The following ZNF385D variants were observed in gnomAD, a reference collection of about 807,000 sequenced individuals.
ZNF385D encodes zinc finger protein 385D, also known as zinc finger protein 659.
A neutral mutation model predicts 35.8 loss-of-function variants in ZNF385D; 15 were observed. The ratio of observed to expected loss-of-function variants is 0.42; its 90% CI spans 0.28 to 0.64. The LOEUF (loss-of-function observed/expected upper bound fraction) is 0.64. ZNF385D is among the 30% of genes least tolerant of loss of function. ZNF385D has a pLI of 0.23. For missense variants in ZNF385D, 474 were observed against 494.6 expected (o/e 0.96, Z 0.39); for synonymous variants, 212 against 186.8 (o/e 1.13, Z -1.10).
chr3:22,127,682 T>C (rs968484152), intron 3 of ZNF385D, among the ~76,000 whole-genome samples: 3 of 152,060 alleles, frequency 2.0e-5, no homozygotes, highest in Non-Finnish European at 4.4e-5. Flanking sequence ...GGCTCACAAA[T>C]ATTATCTTAT....
chr3:22,303,869 C>T lies in ZNF385D; in HGVS notation c.106+68581G>A, dbSNP rs150669215. Reference sequence around the variant, plus strand: ...CTTGGCTCACTGCAAACTCCATCTCCGAGGTTCAAGCGATTCTTCTGCTTC... The same window carrying T: ...CTTGGCTCACTGCAAACTCCATCTCTGAGGTTCAAGCGATTCTTCTGCTTC... On this transcript the variant is annotated intron_variant, in intron 2 of 5. Coordinates refer to the ZNF385D transcript ENST00000494108. 2.4e-3 allele frequency among the ~76,000 whole-genome samples: 360 copies of T among 152,194 alleles called. 4 individuals carry two copies. The highest frequency in any genetic ancestry group is 8.4e-3 in the African/African-American group (348 of 41,524).
chr3:21,858,435 G>A (rs147031186), intron 3 of ZNF385D, among the ~76,000 whole-genome samples: 1 of 151,346 alleles, frequency 6.6e-6, no homozygotes, highest in African/African-American at 2.5e-5. Context: ...AATCCCCAGT[G>A]TGATAGTATT....
intron 3 of ZNF385D, among the ~76,000 whole-genome samples, chr3:22,015,597 T>A (rs910838991): frequency 6.6e-6 from 1 of 152,134 alleles, no homozygotes; most frequent in Non-Finnish European, 1.5e-5. Flanking sequence ...TTTGGAAATT[T>A]CAGCTGTGAA....
At chr3:22,113,255 C>T (rs191700568) in intron 3 of ZNF385D, among the ~76,000 whole-genome samples, 6 of 152,020 alleles carry the variant, frequency 3.9e-5, no homozygotes, top group African/African-American at 1.4e-4. Flanking sequence ...ATTTCTCATT[C>T]TAAATCTTTC....
At chr3:21,736,971 G>T (rs529523875) in intron 1 of ZNF385D, among the ~76,000 whole-genome samples, 2 of 152,008 alleles carry the variant, frequency 1.3e-5, no homozygotes, top group Admixed American at 6.6e-5. Context: ...GCGGAGTCTC[G>T]CTCCGTCGCC....
At chr3:22,211,675 G>T (rs1243858397) in intron 2 of ZNF385D, among the ~76,000 whole-genome samples, 1 of 151,918 alleles carries the variant, frequency 6.6e-6, no homozygotes, top group Non-Finnish European at 1.5e-5. Flanking sequence ...GAAAGACCAA[G>T]GGAGAGGGTA....
At chr3:22,221,862 G>T (rs888016993) in intron 2 of ZNF385D, among the ~76,000 whole-genome samples, 4 of 152,112 alleles carry the variant, frequency 2.6e-5, no homozygotes, top group Non-Finnish European at 5.9e-5. Context: ...ATCCATAAAA[G>T]AAATATTTCT....
At chr3:22,211,738 G>A (rs939533431) in intron 2 of ZNF385D, among the ~76,000 whole-genome samples, 1 of 152,064 alleles carries the variant, frequency 6.6e-6, no homozygotes, top group South Asian at 2.1e-4. Context: ...GAGAGGGCAA[G>A]AACAGTCCTG....
intron 4 of ZNF385D, among the ~76,000 whole-genome samples, chr3:21,479,143 A>C (rs1386911503): frequency 8.1e-6 from 1 of 122,722 alleles, no homozygotes; most frequent in African/African-American, 3.0e-5. Flanking sequence ...AAAAGTCTAG[A>C]AGTATTGTTT....
intron 4 of ZNF385D, among the ~76,000 whole-genome samples, chr3:21,474,738 C>G (rs926071487): frequency 3.3e-5 from 5 of 152,122 alleles, no homozygotes; most frequent in African/African-American, 7.2e-5. Context: ...AATCCTCTCA[C>G]AAGTCTTGCT....
intron 3 of ZNF385D, among the ~76,000 whole-genome samples, chr3:21,551,391 T>G (rs2062563609): frequency 6.6e-6 from 1 of 152,214 alleles, no homozygotes; most frequent in African/African-American, 2.4e-5. Context: ...GCAGGTGAAA[T>G]TAGGAGTATG....
At chr3:21,840,280 A>G (rs1283762875) in intron 3 of ZNF385D, among the ~76,000 whole-genome samples, 1 of 152,078 alleles carries the variant, frequency 6.6e-6, no homozygotes, top group Non-Finnish European at 1.5e-5. Flanking sequence ...GAAACAAACA[A>G]TTAAGACAAA....
In ZNF385D at chr3:21,862,398, G is replaced by A. The variant is rs139505712; in HGVS notation, c.326-197370C>T. 7.2e-3 allele frequency among the ~76,000 whole-genome samples: 1,095 copies of A among 151,282 alleles called. 5 individuals carry two copies. Among genetic ancestry groups the A allele is most frequent in the South Asian group, 0.019 (93 of 4,790 alleles). On this transcript the variant is annotated intron_variant, in intron 3 of 5. Transcript: ENST00000494108. ...GTGATATAAATCAGCATGGAATGTC[G>A]ACCAGCCTGAGATTCTTATATCACA...
chr3:21,758,959 C>A (rs1445929074), intron 3 of ZNF385D, among the ~76,000 whole-genome samples: 8 of 99,582 alleles, frequency 8.0e-5, no homozygotes, highest in African/African-American at 3.2e-4. Context: ...ATCATTATAA[C>A]CATCATCATC....
At chr3:21,719,342 A>G (rs2068444826) in intron 1 of ZNF385D, among the ~76,000 whole-genome samples, 1 of 152,226 alleles carries the variant, frequency 6.6e-6, no homozygotes, top group African/African-American at 2.4e-5. Context: ...ATGAGGCAGA[A>G]TAAGTAGTCA....
intron 3 of ZNF385D, among the ~76,000 whole-genome samples, chr3:21,529,983 T>A (rs962511051): frequency 1.3e-5 from 2 of 151,734 alleles, no homozygotes; most frequent in Non-Finnish European, 2.9e-5. Context: ...GTTTGGGTCA[T>A]GGGGGGGGTG....
At chr3:21,561,337 C>T (rs922771550) in intron 3 of ZNF385D, among the ~76,000 whole-genome samples, 2 of 152,216 alleles carry the variant, frequency 1.3e-5, no homozygotes, top group Non-Finnish European at 1.5e-5. Context: ...AGCACAGTAT[C>T]TGGGCTGGAG....
intron 2 of ZNF385D, among the ~76,000 whole-genome samples, chr3:22,252,779 G>T (rs1161059432): frequency 6.6e-6 from 1 of 152,026 alleles, no homozygotes; most frequent in East Asian, 1.9e-4. Context: ...AAAACATTAG[G>T]CATGTTTGAA....
At chr3:21,741,823 G>T (rs1375500586) in intron 1 of ZNF385D, among the ~76,000 whole-genome samples, 1 of 152,120 alleles carries the variant, frequency 6.6e-6, no homozygotes, top group South Asian at 2.1e-4. Flanking sequence ...TATGGGGCAT[G>T]GAATCTCAGG....
Sources: allele counts gnomAD v4.1 joint callset (sites outside exome capture counted in the v4.1 genomes callset), GRCh38; gene constraint gnomAD v4.1.1; transcripts MANE v1.5; gene names NCBI Gene and HGNC (gene_info 2026-07-23, HGNC 2026-07-21).